Variants in ANO4 observed in about 807,000 individuals in gnomAD.
The protein encoded by ANO4 is anoctamin 4.
ANO4 carries 69 observed loss-of-function variants against 141.9 expected under a neutral mutation model. The observed-to-expected ratio is 0.49, with a 90% CI of 0.40 to 0.59. The LOEUF (loss-of-function observed/expected upper bound fraction) is 0.59. Ranked by LOEUF, ANO4 falls within the 20% of genes least tolerant of loss-of-function variation. The pLI is 0.00. For missense variants in ANO4, 894 were observed against 1,162.2 expected (o/e 0.77, Z 3.36); for synonymous variants, 350 against 394.3 (o/e 0.89, Z 1.33).
intron 9 of ANO4, among the ~76,000 whole-genome samples, chr12:101,022,892 A>G (rs2046588917): frequency 6.6e-6 from 1 of 152,184 alleles, no homozygotes; most frequent in Non-Finnish European, 1.5e-5. Flanking sequence ...GGTGCCCGCC[A>G]CCATGCCCGG....
At chr12:100,889,655 C>T (rs1476219639) in intron 1 of ANO4, among the ~76,000 whole-genome samples, 2 of 152,092 alleles carry the variant, frequency 1.3e-5, no homozygotes, top group Non-Finnish European at 2.9e-5. Context: ...TCATCACTGG[C>T]CATCAGAGAA....
At chr12:100,864,299 T>G (rs2038638047) in intron 1 of ANO4, among the ~76,000 whole-genome samples, 1 of 152,064 alleles carries the variant, frequency 6.6e-6, no homozygotes. Context: ...GTAGGTCCAT[T>G]TTACACGAAT....
At chr12:100,894,353 A>G (rs1031797943) in intron 1 of ANO4, among the ~76,000 whole-genome samples, 65 of 152,044 alleles carry the variant, frequency 4.3e-4, no homozygotes, top group Non-Finnish European at 3.4e-4. Context: ...GCAACAACCT[A>G]TCTTCAGGTC....
intron 14 of ANO4, chr12:101,068,488 C>G (rs2048684444): frequency 1.0e-6 from 1 of 994,274 alleles, no homozygotes; most frequent in Admixed American, 1.7e-5. Context: ...ACCCTGTTCT[C>G]AGTAAAGATC....
chr12:101,122,637 A>T (rs2051141982), intron 26 of ANO4, among the ~76,000 whole-genome samples: 1 of 152,196 alleles, frequency 6.6e-6, no homozygotes, highest in South Asian at 2.1e-4. Flanking sequence ...TTATTGAACA[A>T]GGAATCCTTC....
chr12:100,819,019 A>G (rs2035882652), intron 1 of ANO4, among the ~76,000 whole-genome samples: 1 of 135,988 alleles, frequency 7.4e-6, no homozygotes, highest in African/African-American at 2.9e-5. Context: ...ATATGTGTAT[A>G]TATATATGTA....
chr12:100,751,794 G>T (rs184638555), intron 3 of ANO4, among the ~76,000 whole-genome samples: 2 of 152,224 alleles, frequency 1.3e-5, no homozygotes, highest in East Asian at 3.9e-4. Context: ...AATTTCATTA[G>T]CTCAGTGAAG....
At chr12:100,883,096 A>T (rs75352834) in intron 1 of ANO4, among the ~76,000 whole-genome samples, 7,189 of 152,284 alleles carry the variant, frequency 0.047, 227 homozygotes, top group Middle Eastern at 0.092. Flanking sequence ...GTATCTTGCC[A>T]TGTCTTATAA....
intron 14 of ANO4, chr12:101,068,475 C>G (rs2048684031): frequency 1.0e-6 from 1 of 959,756 alleles, no homozygotes; most frequent in Admixed American, 1.7e-5. Flanking sequence ...TGGCTTTCTT[C>G]TCACCCTGTT....
chr12:100,945,957 T>C (rs1174318479), intron 5 of ANO4, among the ~76,000 whole-genome samples: 1 of 152,114 alleles, frequency 6.6e-6, no homozygotes, highest in Non-Finnish European at 1.5e-5. Flanking sequence ...ACAAAAAATA[T>C]GTACAACATA....
At chr12:100,908,429 C>A (rs532734860) in intron 2 of ANO4, among the ~76,000 whole-genome samples, 74 of 152,286 alleles carry the variant, frequency 4.9e-4, no homozygotes, top group Non-Finnish European at 9.6e-4. Context: ...TTAAACCCTA[C>A]ATATGTCGAG....
chr12:100,781,714 C>T (rs545925315), intron 3 of ANO4, among the ~76,000 whole-genome samples: 1 of 152,234 alleles, frequency 6.6e-6, no homozygotes, highest in East Asian at 1.9e-4. Context: ...AACTGTTTTG[C>T]TACATAGGGC....
chr12:101,095,464 G>A (rs1274330496), intron 18 of ANO4, among the ~76,000 whole-genome samples: 1 of 152,168 alleles, frequency 6.6e-6, no homozygotes, highest in Non-Finnish European at 1.5e-5. Flanking sequence ...ATGTAACCAG[G>A]AGTTCAGTAG....
chr12:101,057,553 A>C (rs545258419), intron 14 of ANO4, among the ~76,000 whole-genome samples: 1 of 152,160 alleles, frequency 6.6e-6, no homozygotes, highest in Non-Finnish European at 1.5e-5. Flanking sequence ...AGTGATTGCC[A>C]TTCTAACTGG....
chr12:100,913,689 A>T (rs1308330754), intron 2 of ANO4, among the ~76,000 whole-genome samples: 3 of 152,200 alleles, frequency 2.0e-5, no homozygotes, highest in African/African-American at 7.2e-5. Flanking sequence ...TTAACCATTT[A>T]GCTCAGGATT....
At chr12:100,917,527 T>C (rs2041403176) in intron 2 of ANO4, among the ~76,000 whole-genome samples, 1 of 152,228 alleles carries the variant, frequency 6.6e-6, no homozygotes, top group Admixed American at 6.5e-5. Flanking sequence ...GTACATTTTT[T>C]ACATTGAAGT....
intron 16 of ANO4, among the ~76,000 whole-genome samples, chr12:101,086,271 G>A (rs1332213302): frequency 6.6e-6 from 1 of 152,078 alleles, no homozygotes; most frequent in African/African-American, 2.4e-5. Context: ...TAGAGAGAGG[G>A]TCTTGCAGGC....
chr12:100,855,284 C>A (rs1003357563), intron 1 of ANO4, among the ~76,000 whole-genome samples: 4 of 152,006 alleles, frequency 2.6e-5, no homozygotes, highest in African/African-American at 4.8e-5. Context: ...TACTTTCTGC[C>A]TTTAGCTTTA....
intron 1 of ANO4, among the ~76,000 whole-genome samples, chr12:100,887,344 T>C (rs550518592): frequency 9.2e-4 from 140 of 152,364 alleles, no homozygotes; most frequent in Non-Finnish European, 1.7e-3. Context: ...GGTTTCACCA[T>C]GTGAGGTAGA....
Sources: allele counts gnomAD v4.1 joint callset (sites outside exome capture counted in the v4.1 genomes callset), GRCh38; gene constraint gnomAD v4.1.1; transcripts MANE v1.5; gene names NCBI Gene and HGNC (gene_info 2026-07-23, HGNC 2026-07-21).